KCNB2: variants seen among roughly 807,000 people sequenced by gnomAD.
The protein encoded by KCNB2 is potassium voltage-gated channel subfamily B member 2.
KCNB2 carries 15 observed loss-of-function variants against 61.5 expected under a neutral mutation model. The ratio of observed to expected loss-of-function variants is 0.24; its 90% confidence interval spans 0.16 to 0.38. The LOEUF is 0.38. KCNB2 is among the 10% of genes least tolerant of loss of function. The pLI, the probability that KCNB2 is intolerant of heterozygous loss-of-function variation, is 1.00. For missense variants in KCNB2, 828 were observed against 1,125.2 expected, an observed-to-expected ratio of 0.74 and a Z score of 3.78; for synonymous variants, 457 against 446.0, an observed-to-expected ratio of 1.02 and a Z score of -0.31.
intron 2 of KCNB2, among the ~76,000 whole-genome samples, chr8:72,744,470 G>T (rs989717852): frequency 2.6e-5 from 4 of 152,152 alleles, no homozygotes; most frequent in Non-Finnish European, 5.9e-5. Context: ...TTATGTTAGG[G>T]TTATTTGTGT....
intron 2 of KCNB2, among the ~76,000 whole-genome samples, chr8:72,868,071 A>AT: frequency 7.1e-6 from 1 of 141,722 alleles, no homozygotes; most frequent in African/African-American, 2.7e-5. Context: ...TTTTTTTATT[A>AT]TTTATTTTTT....
intron 2 of KCNB2, among the ~76,000 whole-genome samples, chr8:72,657,287 GA>G (rs1262747940): frequency 6.6e-6 from 1 of 152,028 alleles, no homozygotes; most frequent in African/African-American, 2.4e-5. Flanking sequence ...GAAATTACAG[GA>G]AAAGATCTGA....
chr8:72,870,544 G>C lies in KCNB2; in HGVS notation c.580-65391G>C, dbSNP rs73686552. Among the ~76,000 whole-genome samples the C allele has an allele frequency of 1.8e-3, 277 of 152,236 alleles. 3 individuals carry two copies. Among genetic ancestry groups the C allele is most frequent in the African/African-American group, 6.5e-3 (270 of 41,552 alleles). Reference sequence around the variant, plus strand: ...TTATGTTCTCATCTGAAAGGAAACAGTGTGTCCCATAATGGGAAACAGTAT... The same window carrying C: ...TTATGTTCTCATCTGAAAGGAAACACTGTGTCCCATAATGGGAAACAGTAT... On this transcript the variant is annotated intron_variant, in intron 2 of 2. Transcript: ENST00000523207.
intron 2 of KCNB2, among the ~76,000 whole-genome samples, chr8:72,778,554 A>G (rs760539052): frequency 1.4e-4 from 21 of 151,374 alleles, no homozygotes; most frequent in Non-Finnish European, 2.7e-4. Flanking sequence ...CCTGGGAAAC[A>G]TGGAGAAACC....
intron 2 of KCNB2, among the ~76,000 whole-genome samples, chr8:72,667,105 T>G (rs1806488700): frequency 1.3e-5 from 2 of 152,134 alleles, no homozygotes; most frequent in South Asian, 4.1e-4. Context: ...AAATTCTCTA[T>G]GTCTTGGTTT....
chr8:72,841,011 T>G (rs1259215937), intron 2 of KCNB2, among the ~76,000 whole-genome samples: 1 of 152,206 alleles, frequency 6.6e-6, no homozygotes, highest in East Asian at 1.9e-4. Context: ...TGCCTAGGTT[T>G]TCTTCTAGGG....
intron 2 of KCNB2, among the ~76,000 whole-genome samples, chr8:72,743,155 C>G (rs1585866319): frequency 6.6e-6 from 1 of 152,214 alleles, no homozygotes; most frequent in South Asian, 2.1e-4. Flanking sequence ...TGGCCTCAGC[C>G]TGTTCATATA....
intron 2 of KCNB2, among the ~76,000 whole-genome samples, chr8:72,912,481 C>T (rs2129007543): frequency 9.4e-6 from 1 of 106,366 alleles, no homozygotes; most frequent in Non-Finnish European, 1.8e-5. Flanking sequence ...TGGTAACTAG[C>T]TTTTATTCAT....
At chr8:72,777,485 T>C (rs114683840) in intron 2 of KCNB2, among the ~76,000 whole-genome samples, 158 of 152,168 alleles carry the variant, frequency 1.0e-3, no homozygotes, top group African/African-American at 3.3e-3. Flanking sequence ...GGCCTAAGGG[T>C]TCAATGTGCC....
chr8:72,758,933 T>G (rs1808335561), intron 2 of KCNB2, among the ~76,000 whole-genome samples: 1 of 152,204 alleles, frequency 6.6e-6, no homozygotes, highest in Non-Finnish European at 1.5e-5. Context: ...CTGGATTACC[T>G]TATTATATGC....
chr8:72,760,658 G>A (rs886714964), intron 2 of KCNB2, among the ~76,000 whole-genome samples: 2 of 152,174 alleles, frequency 1.3e-5, no homozygotes, highest in African/African-American at 2.4e-5. Flanking sequence ...AATCAGATCA[G>A]TAACTCACAG....
At chr8:72,848,013 C>A (rs1489487799) in intron 2 of KCNB2, among the ~76,000 whole-genome samples, 1 of 152,192 alleles carries the variant, frequency 6.6e-6, no homozygotes, top group Non-Finnish European at 1.5e-5. Context: ...GCCAGGCCTG[C>A]CCTATTGCAT....
At chr8:72,774,728 C>T (rs1251971807) in intron 2 of KCNB2, among the ~76,000 whole-genome samples, 1 of 151,934 alleles carries the variant, frequency 6.6e-6, no homozygotes, top group Non-Finnish European at 1.5e-5. Context: ...AATAAGAATT[C>T]TCATGTCCTA....
intron 1 of KCNB2, among the ~76,000 whole-genome samples, chr8:72,553,969 G>A (rs1308017852): frequency 6.6e-6 from 1 of 152,020 alleles, no homozygotes. Context: ...AGACTATTGT[G>A]TCCATAAATG....
At chr8:72,706,588 A>T (rs1423049260) in intron 2 of KCNB2, among the ~76,000 whole-genome samples, 1 of 152,184 alleles carries the variant, frequency 6.6e-6, no homozygotes, top group Admixed American at 6.5e-5. Flanking sequence ...CTTTTTACAA[A>T]ACCATTTCTG....
At chr8:72,855,519 T>TGACC (rs1481753276) in intron 2 of KCNB2, among the ~76,000 whole-genome samples, 1 of 152,196 alleles carries the variant, frequency 6.6e-6, no homozygotes, top group Non-Finnish European at 1.5e-5. Context: ...TCCTCTGCTG[T>TGACC]GACCCAGTAT....
At chr8:72,909,533 A>G (rs1475906539) in intron 2 of KCNB2, among the ~76,000 whole-genome samples, 1 of 152,126 alleles carries the variant, frequency 6.6e-6, no homozygotes, top group Non-Finnish European at 1.5e-5. Flanking sequence ...CTTTATGGTG[A>G]GAACAATGGG....
intron 2 of KCNB2, among the ~76,000 whole-genome samples, chr8:72,812,224 C>T (rs1467462017): frequency 6.6e-6 from 1 of 151,700 alleles, no homozygotes; most frequent in East Asian, 1.9e-4. Flanking sequence ...GCAGAGATCG[C>T]ACCACTGCCC....
chr8:72,729,435 A>G (rs1585857367), intron 2 of KCNB2, among the ~76,000 whole-genome samples: 1 of 152,178 alleles, frequency 6.6e-6, no homozygotes, highest in Non-Finnish European at 1.5e-5. Flanking sequence ...GGTTCTCAGA[A>G]AGAGAAATCT....
Sources: gnomAD v4.1 joint callset for allele counts (sites outside exome capture counted in the v4.1 genomes callset) on GRCh38, gnomAD v4.1.1 for gene constraint, MANE v1.5 for transcripts, NCBI Gene and HGNC (gene_info 2026-07-23, HGNC 2026-07-21) for gene names.